The following PTPRN2 variants were observed in gnomAD, a reference collection of about 807,000 sequenced individuals.
PTPRN2 encodes the protein protein tyrosine phosphatase receptor type N2.
A neutral mutation model predicts 118.8 loss-of-function variants in PTPRN2; 74 were observed. The observed-to-expected ratio is 0.62, with a 90% confidence interval of 0.52 to 0.76. PTPRN2 has a LOEUF of 0.76. Ranked by LOEUF, PTPRN2 falls within the 30% of genes least tolerant of loss-of-function variation. The probability of loss-of-function intolerance (pLI) is 0.00; values close to 1 mark genes in which losing one functional copy is unlikely to be tolerated. For missense variants in PTPRN2, 1,481 were observed against 1,394.4 expected, an observed-to-expected ratio of 1.06 and a Z score of -0.99; for synonymous variants, 641 against 608.0, an observed-to-expected ratio of 1.05 and a Z score of -0.80.
Position 157,881,948 on chromosome 7 carries a change from C to A in PTPRN2, c.1788+16725G>T, listed in dbSNP as rs1370482411. Among the ~76,000 whole-genome samples, 1 of 152,210 alleles carries A rather than the reference C, an allele frequency of 6.6e-6. No individual in the cohort carries two copies. Among genetic ancestry groups the A allele is most frequent in the Non-Finnish European group, 1.5e-5 (1 of 68,038 alleles). ...TAATGTAGGAGATGAGAACACATCA[C>A]CCCAAAAATGACTGTCATACATCAG... On this transcript the variant is annotated intron_variant, in intron 12 of 22. Coordinates refer to ENST00000389418, the MANE Select transcript of PTPRN2 (RefSeq NM_002847.5). The surrounding 1 kb of genome is among the most constrained non-coding windows in gnomAD (Gnocchi z 4.7).
chr7:158,192,510 G>T lies in PTPRN2; in HGVS notation c.381-15C>A. The T allele has an allele frequency of 6.4e-7, 1 of 1,571,122 alleles. No homozygotes were observed. Among genetic ancestry groups the T allele is most frequent in the East Asian group, 2.5e-5 (1 of 40,698 alleles). On this transcript the variant is annotated splice_polypyrimidine_tract_variant and intron_variant, in intron 4 of 22. Transcript: ENST00000389418. ...GTTTTGAGGGCCTGAAAAAGCAAAAGAAACCAGACATCAACCGCATGTTTG... is the reference window on the plus strand; with the variant it reads ...GTTTTGAGGGCCTGAAAAAGCAAAATAAACCAGACATCAACCGCATGTTTG...
chr7:158,012,222 C>T (rs1806096918), intron 11 of PTPRN2, among the ~76,000 whole-genome samples: 1 of 152,154 alleles, frequency 6.6e-6, no homozygotes, highest in Non-Finnish European at 1.5e-5. Context: ...ATGTTTAAAA[C>T]AATCTGCTCA....
chr7:158,470,860 G>A (rs556624312), intron 2 of PTPRN2, among the ~76,000 whole-genome samples: 128 of 151,376 alleles, frequency 8.5e-4, no homozygotes, highest in African/African-American at 3.0e-3. Context: ...TTTAGATGAG[G>A]TCTTGCTCTG....
chr7:158,401,436 C>T (rs1563247376), intron 2 of PTPRN2, among the ~76,000 whole-genome samples: 1 of 151,914 alleles, frequency 6.6e-6, no homozygotes, highest in Non-Finnish European at 1.5e-5. Context: ...TGGCCCAGCA[C>T]AGAAGCGAAG....
intron 21 of PTPRN2, among the ~76,000 whole-genome samples, chr7:157,568,010 A>G (rs1799573086): frequency 6.6e-6 from 1 of 152,082 alleles, no homozygotes; most frequent in African/African-American, 2.4e-5. Context: ...TCTGGCCCCT[A>G]TTTAAAGAGA....
At chr7:157,995,344 C>G (rs116501053) in intron 11 of PTPRN2, among the ~76,000 whole-genome samples, 1 of 149,266 alleles carries the variant, frequency 6.7e-6, no homozygotes, top group Non-Finnish European at 1.5e-5. Flanking sequence ...CCCCAGCTTA[C>G]AGCTCCTTGT....
At chr7:157,672,688 T>C (rs1796476541) in intron 13 of PTPRN2, among the ~76,000 whole-genome samples, 1 of 152,230 alleles carries the variant, frequency 6.6e-6, no homozygotes, top group African/African-American at 2.4e-5. Flanking sequence ...TCAGTCCAGT[T>C]ATACATCAAT....
Position 157,582,193 on chromosome 7 carries a change from G to T in PTPRN2, c.2497-4053C>A, listed in dbSNP as rs115817928. ...TTCACCCATCAAATCACCCACAGGC[G>T]TGGAACAATGGCCACCCCGCCTACG... On this transcript the variant is annotated intron_variant, in intron 17 of 22. Coordinates refer to ENST00000389418, the MANE Select transcript of PTPRN2 (RefSeq NM_002847.5). 3.2e-3 allele frequency among the ~76,000 whole-genome samples: 482 copies of T among 152,300 alleles called. 3 individuals are homozygous for T. The highest frequency in any genetic ancestry group is 0.011 in the African/African-American group (460 of 41,564).
chr7:157,657,332 C>A (rs1585187212), intron 13 of PTPRN2, among the ~76,000 whole-genome samples: 1 of 133,004 alleles, frequency 7.5e-6, no homozygotes, highest in Admixed American at 7.7e-5. Context: ...CACACATATA[C>A]ACACACATAC....
intron 12 of PTPRN2, among the ~76,000 whole-genome samples, chr7:157,747,556 T>C (rs1449115915): frequency 6.0e-5 from 4 of 67,198 alleles, no homozygotes; most frequent in East Asian, 6.7e-4. Context: ...TGTGGGCTGT[T>C]GAGGTGATTC....
chr7:157,871,095 C>T (rs115493298), intron 12 of PTPRN2, among the ~76,000 whole-genome samples: 69 of 152,262 alleles, frequency 4.5e-4, no homozygotes, highest in Admixed American at 1.0e-3. Context: ...GACTTCCTTA[C>T]GAAGAAGCTG....
At chr7:158,217,946 A>G (rs1350203877) in intron 3 of PTPRN2, among the ~76,000 whole-genome samples, 1 of 152,216 alleles carries the variant, frequency 6.6e-6, no homozygotes, top group East Asian at 1.9e-4. Context: ...GGGATTATGT[A>G]AAGTGACCAA....
At position 157,618,891 on chromosome 7, in the gene PTPRN2, T is replaced by C. The variant is rs1802973061; in HGVS notation, c.2344+2471A>G. 1 of 152,156 alleles carries C rather than the reference T, an allele frequency of 6.6e-6. No homozygotes were observed. The highest frequency in any genetic ancestry group is 6.5e-5 in the Admixed American group (1 of 15,268). 9.4% of individuals were successfully genotyped at this position (152,156 alleles called of 1,614,324 possible). A position where few individuals can be genotyped will look rare whatever the true frequency, so the allele number is the denominator to read the frequency against. On this transcript the variant is annotated intron_variant, in intron 15 of 22. Coordinates refer to ENST00000389418, the MANE Select transcript of PTPRN2 (RefSeq NM_002847.5). This position sits in a 1 kb window ranked among gnomAD's most constrained non-coding sequence, Gnocchi z 4.2. ...CCTGGCACATGGGTCGGGAGAACCC[T>C]GGGAGGAGGTGCAGGCAGCTTCTTT...
chr7:158,503,988 A>AAT (rs1422691815), intron 1 of PTPRN2, among the ~76,000 whole-genome samples: 4 of 151,480 alleles, frequency 2.6e-5, no homozygotes, highest in Admixed American at 1.3e-4. Context: ...ACTGTCTCAA[A>AAT]AAAAAAAAAA....
chr7:157,648,596 G>A (rs1202910416), intron 14 of PTPRN2, among the ~76,000 whole-genome samples: 3 of 130,756 alleles, frequency 2.3e-5, no homozygotes, highest in African/African-American at 8.2e-5. Flanking sequence ...GAACTCGGTG[G>A]GTCGGACCCA....
intron 19 of PTPRN2, among the ~76,000 whole-genome samples, chr7:157,573,390 G>T (rs1799855815): frequency 6.6e-6 from 1 of 152,264 alleles, no homozygotes; most frequent in Non-Finnish European, 1.5e-5. Context: ...AATGACCTCA[G>T]TTCTGCTCCT....
intron 22 of PTPRN2, among the ~76,000 whole-genome samples, chr7:157,546,901 G>A (rs1293894319): frequency 1.3e-5 from 2 of 152,200 alleles, no homozygotes. Context: ...TACATACAAT[G>A]GGAGGCTTGG....
chr7:158,325,316 T>A (rs1239142280), intron 2 of PTPRN2, among the ~76,000 whole-genome samples: 1 of 152,080 alleles, frequency 6.6e-6, no homozygotes, highest in Non-Finnish European at 1.5e-5. Flanking sequence ...GAACTAACCA[T>A]CTGCTTTTCC....
intron 11 of PTPRN2, among the ~76,000 whole-genome samples, chr7:157,924,510 G>A (rs1480229380): frequency 6.6e-6 from 1 of 152,196 alleles, no homozygotes; most frequent in Non-Finnish European, 1.5e-5. Flanking sequence ...GCTCACCACT[G>A]GCCCAGGTGC....
Sources: gnomAD v4.1 joint callset for allele counts (sites outside exome capture counted in the v4.1 genomes callset) on GRCh38, gnomAD v4.1.1 for gene constraint, Gnocchi (gnomAD v3.1) non-coding constraint, MANE v1.5 for transcripts, NCBI Gene and HGNC (gene_info 2026-07-23, HGNC 2026-07-21) for gene names.